ASAP2: variants seen among roughly 807,000 people sequenced by gnomAD.
ASAP2 encodes ArfGAP with SH3 domain, ankyrin repeat and PH domain 2, also known as arf-GAP with SH3 domain, ANK repeat and PH domain-containing protein 2.
In ASAP2, 45 loss-of-function variants were observed where a neutral mutation model predicts 131.4. The ratio of observed to expected loss-of-function variants is 0.34; its 90% CI spans 0.27 to 0.44. The LOEUF (loss-of-function observed/expected upper bound fraction) is 0.44, where lower values mean the gene tolerates loss of function less well. Among genes scored for constraint, ASAP2 ranks in the 20% least tolerant of loss-of-function variants. The pLI is 1.00. For synonymous variants in ASAP2, 510 were observed against 503.0 expected (o/e 1.01, Z -0.19); for missense variants, 1,011 against 1,297.0 (o/e 0.78, Z 3.39).
intron 24 of ASAP2, among the ~76,000 whole-genome samples, chr2:9,395,744 A>C (rs958229645): frequency 6.6e-6 from 1 of 150,728 alleles, no homozygotes; most frequent in Non-Finnish European, 1.5e-5. Context: ...AGTAGCTGGG[A>C]CTACAGGTGC....
At chr2:9,303,303 G>C (rs1331579479) in intron 3 of ASAP2, among the ~76,000 whole-genome samples, 8 of 152,282 alleles carry the variant, frequency 5.3e-5, no homozygotes. Context: ...ACTATTATTA[G>C]GTGTCCGTTT....
intron 2 of ASAP2, among the ~76,000 whole-genome samples, chr2:9,283,996 A>G (rs559281216): frequency 1.3e-5 from 2 of 152,360 alleles, no homozygotes; most frequent in East Asian, 3.9e-4. Flanking sequence ...ATTCAGTCCC[A>G]TAGCAAACAC....
chr2:9,344,892 C>T (rs1170926511), intron 11 of ASAP2, 92 bp downstream of exon 11: 2 of 1,103,478 alleles, frequency 1.8e-6, no homozygotes, highest in African/African-American at 3.1e-5. Flanking sequence ...GAGTTGTTCT[C>T]CGTGTGTGAT....
At chr2:9,278,918 C>T (rs747542996) in intron 1 of ASAP2, among the ~76,000 whole-genome samples, 6 of 152,084 alleles carry the variant, frequency 3.9e-5, no homozygotes, top group Non-Finnish European at 7.4e-5. Flanking sequence ...GGTGCAGGCA[C>T]GATAGGAGTC....
chr2:9,381,865 A>G (rs1194187114), intron 20 of ASAP2, among the ~76,000 whole-genome samples: 3 of 152,124 alleles, frequency 2.0e-5, no homozygotes, highest in Admixed American at 6.5e-5. Flanking sequence ...GATTATGCCA[A>G]TGCGCACCAG....
chr2:9,218,609 C>T (rs531021269), intron 1 of ASAP2, among the ~76,000 whole-genome samples: 2 of 152,102 alleles, frequency 1.3e-5, no homozygotes, highest in African/African-American at 2.4e-5. Context: ...TACTGTATTC[C>T]CCTGATAGCC....
chr2:9,374,746 T>C lies in ASAP2; in HGVS notation c.1557-9T>C. 6.3e-7 allele frequency: 1 copy of C among 1,584,954 alleles called. No homozygotes were observed. The highest frequency in any genetic ancestry group is 8.6e-7 in the Non-Finnish European group (1 of 1,165,784). The stretch of plus-strand genomic sequence containing the variant: ...TCATGATTTGCAAGGCAATTACGTT[T>C]GGTTTCAGGAATGCAAGAAAGGACT... On this transcript the variant is annotated splice_polypyrimidine_tract_variant and intron_variant, in intron 16 of 27. Coordinates refer to ENST00000281419, the MANE Select transcript of ASAP2 (RefSeq NM_003887.3).
rs1270085352 is a variant in ASAP2, at chr2:9,358,779, C to G, written c.1351C>G (p.Leu451Val). 1 of 1,613,314 alleles carries G rather than the reference C, an allele frequency of 6.2e-7. No individual in the cohort carries two copies. Among genetic ancestry groups the G allele is most frequent in the East Asian group, 2.2e-5 (1 of 44,868 alleles). ...AGATCCTACATGGCTTTCCACCAAC[C>G]TGGGCATCCTGACCTGCATCGAGTG... ...APDPTWLSTN[L>V]GILTCIECSG... Residue 451 changes from leucine to valine, a missense_variant, in exon 15 of 28, where the codon CTG (leucine) becomes GTG (valine). Coordinates refer to ENST00000281419, the MANE Select transcript of ASAP2 (RefSeq NM_003887.3).
Position 9,220,332 on chromosome 2 carries a change from C to T in ASAP2, c.126+13102C>T, listed in dbSNP as rs184287212. Among the ~76,000 whole-genome samples, 34 of 152,346 alleles carry T rather than the reference C, an allele frequency of 2.2e-4. No individual in the cohort carries two copies. In the East Asian group the frequency reaches 6.5e-3, roughly 29 times the overall value. On this transcript the variant is annotated intron_variant, in intron 1 of 27. Transcript: ENST00000281419. ...TTGCCAAAGAGGCTGCACCACTTGA[C>T]ATTCTTACCAGCCATGTGTAAGGGT... is the stretch of plus-strand genomic sequence containing the variant.
chr2:9,280,294 A>G (rs1185345148), intron 2 of ASAP2, among the ~76,000 whole-genome samples: 2 of 152,100 alleles, frequency 1.3e-5, no homozygotes, highest in African/African-American at 4.8e-5. Context: ...AGTGCCTTAG[A>G]TGGTCGTGGT....
intron 22 of ASAP2, among the ~76,000 whole-genome samples, 198 bp downstream of exon 22, chr2:9,388,744 T>G (rs1390745076): frequency 6.6e-6 from 1 of 152,210 alleles, no homozygotes. Flanking sequence ...TGACTCTTAT[T>G]CTGGGCAGAG....
intron 1 of ASAP2, among the ~76,000 whole-genome samples, chr2:9,213,653 G>T (rs1420257196): frequency 6.6e-6 from 1 of 152,088 alleles, no homozygotes; most frequent in Non-Finnish European, 1.5e-5. Flanking sequence ...GAGGTCCATT[G>T]TACAAGAAGA....
At chr2:9,236,447 A>G (rs892341711) in intron 1 of ASAP2, among the ~76,000 whole-genome samples, 1 of 152,118 alleles carries the variant, frequency 6.6e-6, no homozygotes, top group African/African-American at 2.4e-5. Flanking sequence ...AGTATGCCAG[A>G]TGAACTTTTT....
At chr2:9,327,726 G>C (rs1670570758) in intron 6 of ASAP2, 100 bp from the exon 7 acceptor site, 2 of 820,922 alleles carry the variant, frequency 2.4e-6, no homozygotes, top group Non-Finnish European at 3.8e-6. Context: ...CATTGTAAAA[G>C]ATGCCAAAGA....
At chr2:9,234,648 C>T (rs762313222) in intron 1 of ASAP2, among the ~76,000 whole-genome samples, 1 of 151,866 alleles carries the variant, frequency 6.6e-6, no homozygotes, top group Non-Finnish European at 1.5e-5. Context: ...TGTTTCTAAT[C>T]AGTTAAAATG....
At chr2:9,237,575 C>A (rs1390510163) in intron 1 of ASAP2, among the ~76,000 whole-genome samples, 1 of 152,042 alleles carries the variant, frequency 6.6e-6, no homozygotes, top group African/African-American at 2.4e-5. Context: ...CCATGCCTGG[C>A]TAATTACTTT....
intron 1 of ASAP2, among the ~76,000 whole-genome samples, chr2:9,246,445 C>G (rs573197760): frequency 9.9e-4 from 151 of 152,176 alleles, no homozygotes; most frequent in African/African-American, 3.6e-3. Flanking sequence ...CGCTAACATG[C>G]CTGGCTAATT....
chr2:9,389,622 C>T lies in ASAP2; in HGVS notation c.2383+1076C>T, dbSNP rs1476918228. Among the ~76,000 whole-genome samples, 2 of 152,204 alleles carry T rather than the reference C, an allele frequency of 1.3e-5. No individual in the cohort carries two copies. The highest frequency in any genetic ancestry group is 2.9e-5 in the Non-Finnish European group (2 of 68,030). ...TCACAGACCCTCACACGGCTCTGCC[C>T]CTGTCATTCAGGGAGGCCCAGAGAA... On this transcript the variant is annotated intron_variant, in intron 22 of 27. Transcript: ENST00000281419. This position sits in a 1 kb window ranked among gnomAD's most constrained non-coding sequence, Gnocchi z 4.7.
At chr2:9,249,706 C>T (rs186900301) in intron 1 of ASAP2, among the ~76,000 whole-genome samples, 75 of 151,482 alleles carry the variant, frequency 5.0e-4, no homozygotes, top group African/African-American at 1.7e-3. Flanking sequence ...ATTGCTGGCA[C>T]GGGTCTCCTG....
Sources: gnomAD v4.1 joint callset for allele counts (sites outside exome capture counted in the v4.1 genomes callset) on GRCh38, gnomAD v4.1.1 for gene constraint, Gnocchi (gnomAD v3.1) non-coding constraint, MANE v1.5 for transcripts, NCBI Gene and HGNC (gene_info 2026-07-23, HGNC 2026-07-21) for gene names.